Variants in GAB2 observed in about 807,000 individuals in gnomAD.
GAB2 encodes the protein GRB2 associated binding protein 2.
Under a neutral mutation model 65.5 loss-of-function variants are expected in GAB2, and 26 were observed. That is an observed-to-expected ratio of 0.40 (90% confidence interval 0.29 to 0.55). The LOEUF (loss-of-function observed/expected upper bound fraction) is 0.55. GAB2 is among the 20% of genes least tolerant of loss of function. The pLI, the probability that GAB2 is intolerant of heterozygous loss-of-function variation, is 0.53. For synonymous variants in GAB2, 321 were observed against 329.6 expected, an observed-to-expected ratio of 0.97 and a Z score of 0.28; for missense variants, 884 against 875.8, an observed-to-expected ratio of 1.01 and a Z score of -0.12.
At position 78,226,601 on chromosome 11, in the gene GAB2, C is replaced by CT. The variant is rs1864661298; in HGVS notation, c.1070dup (p.Pro358AlafsTer20). 1 of 528,584 alleles carries CT rather than the reference C, an allele frequency of 1.9e-6. No homozygotes were observed. The highest frequency in any genetic ancestry group is 3.4e-6 in the Non-Finnish European group (1 of 291,124). 32.7% of individuals were successfully genotyped at this position (528,584 alleles called of 1,614,324 possible). A position where few individuals can be genotyped will look rare whatever the true frequency, so the allele number is the denominator to read the frequency against. On this transcript the variant is annotated frameshift_variant, in exon 4 of 10. Coordinates refer to ENST00000361507, the MANE Select transcript of GAB2 (RefSeq NM_080491.3). LOFTEE classifies it high-confidence loss of function. ...ATCGAGGTGTTTCTGCCTGACTTGG[C>CT]TTGGGGGGGCGGGGTGGGGGAGCTA...
chr11:78,397,295 T>C (rs1389552191), intron 1 of GAB2, among the ~76,000 whole-genome samples: 1 of 152,232 alleles, frequency 6.6e-6, no homozygotes, highest in Non-Finnish European at 1.5e-5. Flanking sequence ...TGTTCAAAAC[T>C]TAAAAGCATA....
intron 9 of GAB2, among the ~76,000 whole-genome samples, chr11:78,219,800 C>T (rs918958229): frequency 3.3e-5 from 5 of 152,184 alleles, no homozygotes; most frequent in African/African-American, 4.8e-5. Flanking sequence ...CAGGACTTTA[C>T]GTGCTGTGCT....
chr11:78,374,382 T>A (rs779905588), intron 1 of GAB2, among the ~76,000 whole-genome samples: 2 of 152,162 alleles, frequency 1.3e-5, no homozygotes, highest in Non-Finnish European at 2.9e-5. Flanking sequence ...TAAAACTATG[T>A]CTATGTAGGA....
chr11:78,410,222 G>A (rs1857108961), intron 1 of GAB2, among the ~76,000 whole-genome samples: 1 of 152,222 alleles, frequency 6.6e-6, no homozygotes, highest in Non-Finnish European at 1.5e-5. Flanking sequence ...AAAAATCAGA[G>A]GCCAGGTGCA....
chr11:78,247,007 C>G (rs1175536302), intron 3 of GAB2, among the ~76,000 whole-genome samples: 1 of 152,220 alleles, frequency 6.6e-6, no homozygotes, highest in East Asian at 1.9e-4. Context: ...TTCTCCAGCT[C>G]TCTTCATTCT....
At chr11:78,390,482 G>T (rs149006637) in intron 1 of GAB2, among the ~76,000 whole-genome samples, 1 of 152,094 alleles carries the variant, frequency 6.6e-6, no homozygotes. Flanking sequence ...CTAGCTACTC[G>T]GGAGGCTGAT....
At chr11:78,257,510 G>A (rs1453781443) in intron 2 of GAB2, among the ~76,000 whole-genome samples, 1 of 152,204 alleles carries the variant, frequency 6.6e-6, no homozygotes, top group Non-Finnish European at 1.5e-5. Flanking sequence ...GGACTGCTGT[G>A]AGGAATAGAG....
intron 5 of GAB2, among the ~76,000 whole-genome samples, chr11:78,224,512 T>TA (rs1409223517): frequency 2.6e-5 from 4 of 152,224 alleles, no homozygotes; most frequent in African/African-American, 9.6e-5. Flanking sequence ...AGTTGTGTGA[T>TA]ACAGCAATCC....
At chr11:78,355,678 C>CT (rs200476793) in intron 1 of GAB2, among the ~76,000 whole-genome samples, 7 of 43,046 alleles carry the variant, frequency 1.6e-4, no homozygotes, top group African/African-American at 5.7e-4. Context: ...CCCTGTCTCA[C>CT]TTAAAAAAAA....
intron 1 of GAB2, among the ~76,000 whole-genome samples, chr11:78,395,905 T>G (rs760464358): frequency 6.6e-6 from 1 of 152,220 alleles, no homozygotes; most frequent in South Asian, 2.1e-4. Context: ...TTTTTCAAAA[T>G]AGCATCCAAC....
intron 3 of GAB2, among the ~76,000 whole-genome samples, chr11:78,235,400 C>T (rs1864956293): frequency 6.6e-6 from 1 of 152,110 alleles, no homozygotes; most frequent in African/African-American, 2.4e-5. Context: ...GATCCGCCCA[C>T]CTCAGCCTCC....
rs1565126179 is a variant in GAB2, at chr11:78,250,415, T to C, written c.377-15A>G. The C allele has an allele frequency of 1.9e-6, 3 of 1,609,490 alleles. No homozygotes were observed. Among genetic ancestry groups the C allele is most frequent in the Non-Finnish European group, 2.6e-6 (3 of 1,176,296 alleles). ...TCTCAGGGAGTCTGAAAAGGAGAAA[T>C]AGCTCTGTGAATGAAAAAGGAAGGA... On this transcript the variant is annotated splice_polypyrimidine_tract_variant and intron_variant, in intron 2 of 9. Transcript: ENST00000361507.
chr11:78,221,052 C>G (rs1046458068), intron 8 of GAB2, among the ~76,000 whole-genome samples: 1 of 152,228 alleles, frequency 6.6e-6, no homozygotes, highest in Non-Finnish European at 1.5e-5. Flanking sequence ...TCAGATGACA[C>G]GCTCTAGGAT....
chr11:78,374,226 T>C (rs542628556), intron 1 of GAB2, among the ~76,000 whole-genome samples: 1 of 152,356 alleles, frequency 6.6e-6, no homozygotes, highest in East Asian at 1.9e-4. Context: ...TTCCATACAG[T>C]TGACTACTGT....
chr11:78,297,684 G>C (rs1023252553), intron 1 of GAB2, among the ~76,000 whole-genome samples: 49 of 152,080 alleles, frequency 3.2e-4, no homozygotes, highest in African/African-American at 1.2e-3. Context: ...AAAAGGCAGG[G>C]GTAGATTGAA....
chr11:78,254,059 A>T (rs907960512), intron 2 of GAB2, among the ~76,000 whole-genome samples: 17 of 152,172 alleles, frequency 1.1e-4, no homozygotes, highest in African/African-American at 4.1e-4. Context: ...CTGTGGAGTC[A>T]TATCTGTGAC....
At chr11:78,250,487 T>C (rs951532965) in intron 2 of GAB2, 87 bp from the exon 3 acceptor site, 2 of 1,217,706 alleles carry the variant, frequency 1.6e-6, no homozygotes, top group African/African-American at 3.0e-5. Context: ...GAAAAAAGAG[T>C]AAGAGCAGAG....
At chr11:78,313,228 C>T (rs1855537044) in intron 1 of GAB2, among the ~76,000 whole-genome samples, 1 of 151,478 alleles carries the variant, frequency 6.6e-6, no homozygotes, top group Non-Finnish European at 1.5e-5. Flanking sequence ...TTCAGTTCTT[C>T]ACATGGTTTG....
At chr11:78,339,498 T>C (rs1253144835) in intron 1 of GAB2, among the ~76,000 whole-genome samples, 1 of 152,142 alleles carries the variant, frequency 6.6e-6, no homozygotes, top group African/African-American at 2.4e-5. Flanking sequence ...TGCCCTACAA[T>C]ACAACAAATT....
Sources: allele counts gnomAD v4.1 joint callset (sites outside exome capture counted in the v4.1 genomes callset), GRCh38; gene constraint gnomAD v4.1.1; transcripts MANE v1.5; gene names NCBI Gene and HGNC (gene_info 2026-07-23, HGNC 2026-07-21).